Variants in CHD2 observed in about 807,000 individuals in gnomAD.
CHD2 encodes ATP-dependent chromatin remodeler CHD2.
A neutral mutation model predicts 243.9 loss-of-function variants in CHD2; 28 were observed. That is an observed-to-expected ratio of 0.11 (90% CI 0.09 to 0.16). CHD2 has a LOEUF of 0.16. CHD2 is among the 10% of genes least tolerant of loss of function. CHD2 has a pLI of 1.00. For synonymous variants in CHD2, 775 were observed against 779.0 expected, an observed-to-expected ratio of 0.99 and a Z score of 0.09; for missense variants, 1,386 against 2,209.8, an observed-to-expected ratio of 0.63 and a Z score of 7.47.
intron 17 of CHD2, among the ~76,000 whole-genome samples, chr15:92,971,474 G>A (rs1242327159): frequency 6.6e-6 from 1 of 152,136 alleles, no homozygotes; most frequent in South Asian, 2.1e-4. Flanking sequence ...TATATGTAAA[G>A]CATATGTGTG....
chr15:93,011,670 A>G (rs879430405), intron 35 of CHD2, among the ~76,000 whole-genome samples: 10 of 152,156 alleles, frequency 6.6e-5, no homozygotes, highest in African/African-American at 1.9e-4. Context: ...CACTCTGACT[A>G]CCTGTGCTTA....
chr15:93,025,985 A>G lies in CHD2; in HGVS notation c.*1280A>G, dbSNP rs2054584037. The G allele has an allele frequency of 6.5e-6, 1 of 152,676 alleles. No individual in the cohort carries two copies. Among genetic ancestry groups the G allele is most frequent in the Non-Finnish European group, 1.5e-5 (1 of 68,048 alleles). 9.5% of individuals were successfully genotyped at this position (152,676 alleles called of 1,614,324 possible). A position where few individuals can be genotyped will look rare whatever the true frequency, so the allele number is the denominator to read the frequency against. On this transcript the variant is annotated 3_prime_UTR_variant, in exon 39 of 39. Transcript: ENST00000394196. ...TAAACCTAAGTTAAACTTTTTCCCA[A>G]ACAAGGAGCATCCAAAGACACAGTG... is the stretch of plus-strand genomic sequence containing the variant.
chr15:92,906,760 TG>T (rs1304022004), intron 2 of CHD2, among the ~76,000 whole-genome samples: 1 of 151,838 alleles, frequency 6.6e-6, no homozygotes, highest in Non-Finnish European at 1.5e-5. Context: ...TTTCTTGATA[TG>T]GTGTCACTTG....
chr15:92,995,752 G>A (rs1299520546), intron 28 of CHD2, among the ~76,000 whole-genome samples: 2 of 152,162 alleles, frequency 1.3e-5, no homozygotes, highest in Non-Finnish European at 2.9e-5. Flanking sequence ...ATCTCTGCCA[G>A]CATATCTTTG....
At chr15:92,978,442 A>G in intron 21 of CHD2, 59 bp downstream of exon 21, 2 of 1,538,324 alleles carry the variant, frequency 1.3e-6, no homozygotes, top group Non-Finnish European at 1.8e-6. Context: ...GGGCTTGTTC[A>G]GCCCTTTCAG....
At chr15:92,923,999 A>G (rs367591135) in intron 2 of CHD2, among the ~76,000 whole-genome samples, 3 of 152,294 alleles carry the variant, frequency 2.0e-5, no homozygotes, top group African/African-American at 7.2e-5. Context: ...AGAGTTAAAT[A>G]CTTATGAGCC....
At chr15:92,934,494 C>T (rs188312125) in intron 5 of CHD2, among the ~76,000 whole-genome samples, 15 of 152,256 alleles carry the variant, frequency 9.9e-5, no homozygotes, top group African/African-American at 2.2e-4. Context: ...TTTTTGCTCA[C>T]GATCTCATAT....
At chr15:92,967,588 A>T in intron 17 of CHD2, 75 bp downstream of exon 17, 1 of 971,992 alleles carries the variant, frequency 1.0e-6, no homozygotes, top group Non-Finnish European at 1.4e-6. Flanking sequence ...AGATATATAT[A>T]TATACTTTTG....
At chr15:92,990,605 C>T (rs945602933) in intron 26 of CHD2, among the ~76,000 whole-genome samples, 1 of 152,168 alleles carries the variant, frequency 6.6e-6, no homozygotes, top group African/African-American at 2.4e-5. Context: ...ATAATACTTT[C>T]CTAACCTTTG....
intron 34 of CHD2, 112 bp downstream of exon 34, chr15:93,004,863 T>G: frequency 8.9e-7 from 1 of 1,118,424 alleles, no homozygotes; most frequent in Non-Finnish European, 1.2e-6. Context: ...AGTACATTAC[T>G]TGGGAAACAC....
At chr15:92,978,772 CTT>C (rs909224244) in intron 21 of CHD2, among the ~76,000 whole-genome samples, 1 of 152,162 alleles carries the variant, frequency 6.6e-6, no homozygotes, top group Non-Finnish European at 1.5e-5. Context: ...AAACCACACA[CTT>C]TTTTGTTTAT....
chr15:92,907,840 C>G (rs1194796145), intron 2 of CHD2, among the ~76,000 whole-genome samples: 3 of 151,970 alleles, frequency 2.0e-5, no homozygotes, highest in Admixed American at 6.6e-5. Flanking sequence ...ATCCTAAGTT[C>G]TTCTTCAGGA....
At chr15:92,939,036 T>C (rs1180510388) in intron 6 of CHD2, among the ~76,000 whole-genome samples, 4 of 136,234 alleles carry the variant, frequency 2.9e-5, no homozygotes, top group South Asian at 2.7e-4. Flanking sequence ...CGTATTAGTA[T>C]ACAAAAAACT....
At chr15:92,994,525 T>C (rs1487760314) in intron 28 of CHD2, among the ~76,000 whole-genome samples, 1 of 152,166 alleles carries the variant, frequency 6.6e-6, no homozygotes, top group Non-Finnish European at 1.5e-5. Flanking sequence ...AAATAACTTG[T>C]ATGGTTTGCA....
chr15:93,006,573 A>G (rs1290924007), intron 34 of CHD2, among the ~76,000 whole-genome samples: 1 of 152,218 alleles, frequency 6.6e-6, no homozygotes, highest in Non-Finnish European at 1.5e-5. Flanking sequence ...TGCTTTATAT[A>G]TATTTTTTCC....
rs2053856343 is a variant in CHD2, at chr15:92,972,587, C to T, written c.2505+170C>T. Among the ~76,000 whole-genome samples, 2 of 10,714 alleles carry T rather than the reference C, an allele frequency of 1.9e-4. 1 individual carries two copies. The highest frequency in any genetic ancestry group is 2.6e-4 in the African/African-American group (2 of 7,676). The allele number at this position is 10,714 out of a possible 152,430, so 7.0% of individuals were successfully genotyped here. On this transcript the variant is annotated intron_variant, in intron 19 of 38. Coordinates refer to ENST00000394196, the MANE Select transcript of CHD2 (RefSeq NM_001271.4). ...TTCCAGGGGGCCGGGCGCGGTGGCT[C>T]ACGCCTGTAATCCCAGCACTTTGGG...
rs796817333 is a variant in CHD2 at position 92,971,688 on chromosome 15, A to G, written c.2190-77A>G. ...TTTTTTTCTCCACAATACTACTACTATCTCTTATACTCTTCTGGTACCTAC... is the reference window on the plus strand; with the variant it reads ...TTTTTTTCTCCACAATACTACTACTGTCTCTTATACTCTTCTGGTACCTAC... On this transcript the variant is annotated intron_variant, in intron 17 of 38. Transcript: ENST00000394196. 15 of 1,284,104 alleles carry G rather than the reference A, an allele frequency of 1.2e-5. 1 individual carries two copies. In the African/African-American group the frequency reaches 1.8e-4, roughly 16 times the overall value. The allele number at this position is 1,284,104 out of a possible 1,614,324, so 79.5% of individuals were successfully genotyped here. A position where few individuals can be genotyped will look rare whatever the true frequency, so the allele number is the denominator to read the frequency against.
intron 2 of CHD2, among the ~76,000 whole-genome samples, chr15:92,912,072 G>T (rs893723897): frequency 2.6e-5 from 4 of 152,210 alleles, no homozygotes; most frequent in African/African-American, 9.6e-5. Flanking sequence ...CCTTTGTGCA[G>T]TTTGTCGTCC....
intron 2 of CHD2, among the ~76,000 whole-genome samples, chr15:92,919,414 A>G (rs1369964280): frequency 4.7e-5 from 7 of 148,524 alleles, no homozygotes; most frequent in Admixed American, 2.7e-4. Flanking sequence ...TTTTTTGGAG[A>G]CGGAGTCTTG....
Sources: allele counts gnomAD v4.1 joint callset (sites outside exome capture counted in the v4.1 genomes callset), GRCh38; gene constraint gnomAD v4.1.1; transcripts MANE v1.5; gene names NCBI Gene and HGNC (gene_info 2026-07-23, HGNC 2026-07-21).